Variants in GNAI2 observed in about 807,000 individuals in gnomAD.
The protein encoded by GNAI2 is G protein subunit alpha i2, also known as guanine nucleotide-binding protein G(i) subunit alpha-2.
A neutral mutation model predicts 36.8 loss-of-function variants in GNAI2; 4 were observed. The ratio of observed to expected loss-of-function variants is 0.11; its 90% CI spans 0.05 to 0.25. The LOEUF is 0.25. Among genes scored for constraint, GNAI2 ranks in the 10% least tolerant of loss-of-function variants. The probability of loss-of-function intolerance (pLI) is 1.00; values close to 1 mark genes in which losing one functional copy is unlikely to be tolerated. For missense variants in GNAI2, 230 were observed against 481.3 expected (o/e 0.48, Z 4.89); for synonymous variants, 194 against 194.1 (o/e 1.00, Z 0.01).
Position 50,253,167 on chromosome 3 carries a change from C to T in GNAI2, c.447C>T (p.Leu149=), listed in dbSNP as rs372356382. ...ACFGRSREYQ[L]NDSAAYYLND... is the part of the protein sequence containing the mutation. ...TTGGCCGCTCAAGGGAATACCAGCTCAACGACTCAGCTGCCTAGTGAGTGC... is the reference window on the plus strand; with the variant it reads ...TTGGCCGCTCAAGGGAATACCAGCTTAACGACTCAGCTGCCTAGTGAGTGC... Residue 149 remains leucine, a synonymous_variant, in exon 4 of 9, where the codon CTC becomes CTT. Transcript: ENST00000313601. The surrounding 1 kb of genome is among the most constrained non-coding windows in gnomAD (Gnocchi z 4.2). The T allele has an allele frequency of 1.9e-6, 3 of 1,611,280 alleles. No homozygotes were observed. In the African/African-American group the frequency reaches 4.0e-5, roughly 22 times the overall value.
chr3:50,258,697 T>C lies in GNAI2; in HGVS notation c.*354T>C. 2.8e-6 allele frequency: 1 copy of C among 353,400 alleles called. No homozygotes were observed. Among genetic ancestry groups the C allele is most frequent in the East Asian group, 7.6e-5 (1 of 13,126 alleles). 21.9% of individuals were successfully genotyped at this position (353,400 alleles called of 1,614,324 possible). A position where few individuals can be genotyped will look rare whatever the true frequency, so the allele number is the denominator to read the frequency against. On this transcript the variant is annotated 3_prime_UTR_variant, in exon 9 of 9. Transcript: ENST00000313601. ...TGGAGGGGCCCCTGCTTCTCCAGCCTGGACCCCCAGCTTTGCCCAACACCA... is the reference window on the plus strand; with the variant it reads ...TGGAGGGGCCCCTGCTTCTCCAGCCCGGACCCCCAGCTTTGCCCAACACCA...
chr3:50,248,677 G>A (rs1700476605), intron 1 of GNAI2, among the ~76,000 whole-genome samples: 1 of 152,192 alleles, frequency 6.6e-6, no homozygotes, highest in African/African-American at 2.4e-5. Flanking sequence ...AAAGAGACCA[G>A]CCTGAGTCTA....
chr3:50,236,299 T>C lies in GNAI2; in HGVS notation c.-37T>C. On this transcript the variant is annotated 5_prime_UTR_variant, in exon 1 of 9. Transcript: ENST00000313601. This position sits in a 1 kb window ranked among gnomAD's most constrained non-coding sequence, Gnocchi z 4.0. ...GGGCCGAGCCGGGCCGTGGGCCGTG[T>C]GGGGGCCGGGCGGCGGCCGGGCCGG... 1 of 1,327,094 alleles carries C rather than the reference T, an allele frequency of 7.5e-7. No individual in the cohort carries two copies. The allele number at this position is 1,327,094 out of a possible 1,614,324, so 82.2% of individuals were successfully genotyped here. A position where few individuals can be genotyped will look rare whatever the true frequency, so the allele number is the denominator to read the frequency against.
At chr3:50,257,841 C>G in intron 8 of GNAI2, 127 bp downstream of exon 8, 1 of 575,620 alleles carries the variant, frequency 1.7e-6, no homozygotes, top group South Asian at 2.3e-5. Context: ...GACCAGGGGA[C>G]AAGGGAGGAG....
upstream of GNAI2, chr3:50,227,269 C>G: frequency 1.3e-6 from 1 of 772,804 alleles, no homozygotes; most frequent in East Asian, 3.3e-5. This position sits in a 1 kb window ranked among gnomAD's most constrained non-coding sequence, Gnocchi z 5.9. Context: ...GATGGGGTGC[C>G]ACAGAGGGCT....
At chr3:50,230,966 T>C in exon 1 of GNAI2, 1 of 985,418 alleles carries the variant, frequency 1.0e-6, no homozygotes. Flanking sequence ...TGGCCCACTC[T>C]GGACCTCAGC....
Position 50,258,718 on chromosome 3 carries a change from C to T in GNAI2, c.*375C>T, listed in dbSNP as rs115699651. 1,679 of 358,828 alleles carry T rather than the reference C, an allele frequency of 4.7e-3. 24 individuals carry two copies. The highest frequency in any genetic ancestry group is 0.034 in the African/African-American group (1,575 of 46,796). 22.2% of individuals were successfully genotyped at this position (358,828 alleles called of 1,614,324 possible). ...AGCCTGGACCCCCAGCTTTGCCCAA[C>T]ACCAGCCCCTGCCCCAGCCCAAGTC... On this transcript the variant is annotated 3_prime_UTR_variant, in exon 9 of 9. Coordinates refer to ENST00000313601, the MANE Select transcript of GNAI2 (RefSeq NM_002070.4).
At chr3:50,246,239 G>A (rs1393808919) in intron 1 of GNAI2, among the ~76,000 whole-genome samples, 3 of 152,226 alleles carry the variant, frequency 2.0e-5, no homozygotes, top group Admixed American at 1.3e-4. Context: ...GGCTTCCCAG[G>A]GACGGGCTGG....
At chr3:50,257,792 GGGTA>G in intron 8 of GNAI2, 78 bp downstream of exon 8, 3 of 651,642 alleles carry the variant, frequency 4.6e-6, no homozygotes, top group Non-Finnish European at 5.0e-6. Context: ...TTCTGGGGGT[GGGTA>G]GGGGGGTGAA....
chr3:50,236,179 C>T, upstream of GNAI2: 4 of 1,171,890 alleles, frequency 3.4e-6, no homozygotes, highest in Non-Finnish European at 4.2e-6. This position sits in a 1 kb window ranked among gnomAD's most constrained non-coding sequence, Gnocchi z 4.0. Flanking sequence ...CGTCGGTGCG[C>T]GGCGGTAGGG....
upstream of GNAI2, chr3:50,227,129 G>A (rs758617290): frequency 2.1e-6 from 3 of 1,420,522 alleles, no homozygotes; most frequent in Non-Finnish European, 2.8e-6. The surrounding 1 kb of genome is among the most constrained non-coding windows in gnomAD (Gnocchi z 5.9). Flanking sequence ...GTCTCATGAC[G>A]GAGGGTGTGA....
intron 1 of GNAI2, chr3:50,251,755 T>A (rs1553702502): frequency 7.6e-7 from 1 of 1,315,332 alleles, no homozygotes; most frequent in East Asian, 4.3e-5. Context: ...TTGGCGAGCC[T>A]ATGTATGTGA....
chr3:50,232,735 T>C (rs1185924908), upstream of GNAI2, among the ~76,000 whole-genome samples: 2 of 152,102 alleles, frequency 1.3e-5, no homozygotes, highest in African/African-American at 4.8e-5. Context: ...GGAGGATAAA[T>C]TGTAGGGAAA....
chr3:50,256,858 AG>A lies in GNAI2; in HGVS notation c.723+8del. ...TAGCTGAGGACGAGGAGATGGTGAG[AG>A]GATGAGAGAATGCTGCGGGTGGGGG... On this transcript the variant is annotated splice_region_variant and intron_variant, in intron 6 of 8. Coordinates refer to ENST00000313601, the MANE Select transcript of GNAI2 (RefSeq NM_002070.4). 1 of 1,614,034 alleles carries A rather than the reference AG, an allele frequency of 6.2e-7. No homozygotes were observed. Among genetic ancestry groups the A allele is most frequent in the Non-Finnish European group, 8.5e-7 (1 of 1,179,938 alleles).
intron 1 of GNAI2, among the ~76,000 whole-genome samples, chr3:50,243,522 C>G (rs1700345120): frequency 6.6e-6 from 1 of 152,238 alleles, no homozygotes; most frequent in African/African-American, 2.4e-5. Flanking sequence ...AAGGATTCTC[C>G]CCTACCAGCA....
At chr3:50,256,907 C>T (rs199594927) in intron 6 of GNAI2, 30 bp from the exon 7 acceptor site, 2 of 1,613,530 alleles carry the variant, frequency 1.2e-6, no homozygotes, top group African/African-American at 2.7e-5. Context: ...GGAGTGGTGG[C>T]TAGCGTTGAC....
At chr3:50,248,923 G>A (rs1700482478) in intron 1 of GNAI2, among the ~76,000 whole-genome samples, 1 of 152,104 alleles carries the variant, frequency 6.6e-6, no homozygotes, top group Non-Finnish European at 1.5e-5. Context: ...AGGTCTAGCT[G>A]CTGCTAGGAA....
chr3:50,252,659 G>T lies in GNAI2; in HGVS notation c.303+121G>T. 1 of 822,888 alleles carries T rather than the reference G, an allele frequency of 1.2e-6. No homozygotes were observed. The highest frequency in any genetic ancestry group is 1.9e-6 in the Non-Finnish European group (1 of 518,120). The allele number at this position is 822,888 out of a possible 1,614,324, so 51.0% of individuals were successfully genotyped here. On this transcript the variant is annotated intron_variant, in intron 3 of 8. Transcript: ENST00000313601. This position sits in a 1 kb window ranked among gnomAD's most constrained non-coding sequence, Gnocchi z 4.1. ...CGCCGAGGCGGGTGGATCACCTGAGGTCAGGACCAGCCTGGCCAACTTGGT... is the reference window on the plus strand; with the variant it reads ...CGCCGAGGCGGGTGGATCACCTGAGTTCAGGACCAGCCTGGCCAACTTGGT...
chr3:50,239,089 C>T (rs1268916634), intron 1 of GNAI2, among the ~76,000 whole-genome samples: 1 of 152,222 alleles, frequency 6.6e-6, no homozygotes, highest in Non-Finnish European at 1.5e-5. Context: ...TCCTACCCAG[C>T]TCAACGTGAC....
Sources: gnomAD v4.1 joint callset for allele counts (sites outside exome capture counted in the v4.1 genomes callset) on GRCh38, gnomAD v4.1.1 for gene constraint, Gnocchi (gnomAD v3.1) non-coding constraint, MANE v1.5 for transcripts, NCBI Gene and HGNC (gene_info 2026-07-23, HGNC 2026-07-21) for gene names.